The following ZP3 variants were observed in gnomAD, a reference collection of about 807,000 sequenced individuals.
ZP3 encodes the protein zona pellucida glycoprotein 3, also known as zona pellucida sperm-binding protein 3.
A neutral mutation model predicts 35.6 loss-of-function variants in ZP3; 21 were observed. That is an observed-to-expected ratio of 0.59 (90% CI 0.42 to 0.85). ZP3 has a LOEUF of 0.85. Ranked by LOEUF, ZP3 falls within the 40% of genes least tolerant of loss-of-function variation. The pLI is 0.00. For synonymous variants in ZP3, 207 were observed against 214.5 expected, an observed-to-expected ratio of 0.96 and a Z score of 0.31; for missense variants, 437 against 536.5, an observed-to-expected ratio of 0.81 and a Z score of 1.83.
At chr7:76,410,591 T>A (rs1805216184) in intron 1 of ZP3, among the ~76,000 whole-genome samples, 1 of 151,802 alleles carries the variant, frequency 6.6e-6, no homozygotes, top group African/African-American at 2.4e-5. Flanking sequence ...ATGGTGAGGC[T>A]GGGAAGACTG....
rs756484764 is a variant in ZP3 at position 76,440,221 on chromosome 7, G to A, written c.832-29G>A. On this transcript the variant is annotated intron_variant, in intron 5 of 7. Transcript: ENST00000394857. ...AACTCCCAGGCACAGCCTGGAACTCGGCCTGGAAATAGCTGTTATTCCTTG... is the reference window on the plus strand; with the variant it reads ...AACTCCCAGGCACAGCCTGGAACTCAGCCTGGAAATAGCTGTTATTCCTTG... The A allele has an allele frequency of 7.3e-5, 117 of 1,595,854 alleles. 1 individual carries two copies. Among genetic ancestry groups the A allele is most frequent in the Non-Finnish European group, 9.0e-5 (105 of 1,170,110 alleles).
Position 76,433,048 on chromosome 7 carries a change from G to T in ZP3, c.535+18G>T. ...GATGGAGGGTAAGAGAAGAAGGCTG[G>T]GTGGGACATCTGTGGAAAGACCTGG... On this transcript the variant is annotated intron_variant, in intron 3 of 7. Transcript: ENST00000394857. The T allele has an allele frequency of 1.3e-6, 2 of 1,593,174 alleles. No individual in the cohort carries two copies. Among genetic ancestry groups the T allele is most frequent in the Non-Finnish European group, 1.7e-6 (2 of 1,166,840 alleles).
At chr7:76,401,993 C>T (rs1044739192) in intron 1 of ZP3, among the ~76,000 whole-genome samples, 1 of 151,994 alleles carries the variant, frequency 6.6e-6, no homozygotes, top group Non-Finnish European at 1.5e-5. Context: ...AAAGATTTAC[C>T]TAGATGAGTC....
At chr7:76,436,030 C>CCTT (rs1805991993) in intron 5 of ZP3, among the ~76,000 whole-genome samples, 1 of 74,248 alleles carries the variant, frequency 1.3e-5, no homozygotes. Context: ...CCCCCGCCCC[C>CCTT]TTTTTTTTTT....
intron 2 of ZP3, among the ~76,000 whole-genome samples, chr7:76,430,830 G>T (rs1240543095): frequency 7.9e-5 from 12 of 152,202 alleles, no homozygotes; most frequent in Admixed American, 7.9e-4. Context: ...CATGGTAGGG[G>T]TTATCCTAGA....
chr7:76,409,906 C>G (rs997086629), intron 1 of ZP3, among the ~76,000 whole-genome samples: 2 of 152,192 alleles, frequency 1.3e-5, no homozygotes, highest in Non-Finnish European at 2.9e-5. Context: ...GATGATGTCC[C>G]GACCCACATC....
At chr7:76,409,371 GCACACA>G in intron 1 of ZP3, 1 of 144,694 alleles carries the variant, frequency 6.9e-6, no homozygotes, top group Admixed American at 6.9e-5. Context: ...GCATGCACAC[GCACACA>G]CACACAAACA....
Position 76,408,729 on chromosome 7 carries a change from G to A in ZP3, c.-67+10932G>A, listed in dbSNP as rs150522023. Among the ~76,000 whole-genome samples the A allele has an allele frequency of 1.8e-3, 277 of 152,262 alleles. 1 individual carries two copies. Among genetic ancestry groups the A allele is most frequent in the African/African-American group, 6.4e-3 (267 of 41,568 alleles). On this transcript the variant is annotated intron_variant, in intron 1 of 8. Transcript: ENST00000336517. The stretch of plus-strand genomic sequence containing the variant: ...GCTCCAAGGTGGGCCCCTCCAGTCT[G>A]CTCCTGCTTCACGCCCAAGGGAACA...
rs748447556 is a variant in ZP3 at position 76,432,911 on chromosome 7, G to A, written c.432-16G>A. 26 of 1,612,258 alleles carry A rather than the reference G, an allele frequency of 1.6e-5. No homozygotes were observed. The highest frequency in any genetic ancestry group is 2.2e-5 in the South Asian group (2 of 90,902). ...TGACCTGAGGCAGGTGTGCACAGCT[G>A]CTGTTCTTCTCTCAGGCAGGGCAAT... On this transcript the variant is annotated splice_polypyrimidine_tract_variant and intron_variant, in intron 2 of 7. Transcript: ENST00000394857.
Position 76,425,144 on chromosome 7 carries a change from T to C in ZP3, c.180T>C (p.Phe60=). The part of the protein sequence containing the change: ...TLMVMVSKDL[F]GTGKLIRAAD... ...TGGTCATGGTCAGCAAAGACCTTTT[T>C]GGCACCGGGAAGCTCATCAGGGCTG... Residue 60 remains phenylalanine (F), a synonymous_variant, in exon 1 of 8, where the codon TTT becomes TTC. Coordinates refer to ENST00000394857, the MANE Select transcript of ZP3 (RefSeq NM_001110354.2). The C allele has an allele frequency of 2.5e-6, 4 of 1,613,992 alleles. No homozygotes were observed. Among genetic ancestry groups the C allele is most frequent in the Non-Finnish European group, 3.4e-6 (4 of 1,180,004 alleles).
In ZP3 at chr7:76,398,556, C is replaced by T. The variant is rs1027936405; in HGVS notation, c.-67+759C>T. Among the ~76,000 whole-genome samples the T allele has an allele frequency of 4.6e-5, 7 of 151,526 alleles. 1 individual carries two copies. The highest frequency in any genetic ancestry group is 5.9e-5 in the Non-Finnish European group (4 of 67,698). On this transcript the variant is annotated intron_variant, in intron 1 of 8. Transcript: ENST00000336517. ...CCAACCTCAAGTGATCCGCTGGCCTCGGCCTCCCAAAGTGCTGGGATTACA... is the reference window on the plus strand; with the variant it reads ...CCAACCTCAAGTGATCCGCTGGCCTTGGCCTCCCAAAGTGCTGGGATTACA...
At chr7:76,404,226 C>T in intron 1 of ZP3, 1 of 1,449,976 alleles carries the variant, frequency 6.9e-7, no homozygotes, top group Non-Finnish European at 9.1e-7. Context: ...ATTCACAACC[C>T]TCCTCCTACT....
intron 1 of ZP3, among the ~76,000 whole-genome samples, chr7:76,408,786 C>T (rs1009032716): frequency 6.6e-6 from 1 of 152,180 alleles, no homozygotes; most frequent in Non-Finnish European, 1.5e-5. Context: ...CCTCCCTGTC[C>T]TTGGTGATTA....
upstream of ZP3, among the ~76,000 whole-genome samples, chr7:76,423,586 A>G (rs1291424730): frequency 1.3e-5 from 2 of 152,024 alleles, no homozygotes; most frequent in African/African-American, 2.4e-5. Flanking sequence ...TGTCAGTGAA[A>G]TCGTGGTATG....
At chr7:76,417,598 T>A (rs576224194) in intron 1 of ZP3, among the ~76,000 whole-genome samples, 1 of 151,636 alleles carries the variant, frequency 6.6e-6, no homozygotes, top group African/African-American at 2.4e-5. Context: ...AGAAAAGTAC[T>A]ATTTATTCTT....
intron 5 of ZP3, among the ~76,000 whole-genome samples, chr7:76,435,760 A>T (rs549895734): frequency 1.0e-3 from 138 of 134,884 alleles, no homozygotes; most frequent in Non-Finnish European, 1.8e-3. Flanking sequence ...AGACAGTCTC[A>T]CTCTGTCACC....
chr7:76,416,362 G>A (rs1053462995), intron 1 of ZP3, among the ~76,000 whole-genome samples: 1 of 152,130 alleles, frequency 6.6e-6, no homozygotes, highest in Non-Finnish European at 1.5e-5. Context: ...CCTGGAAGTC[G>A]AGGCTGCAGT....
chr7:76,427,493 G>C (rs1373510557), intron 1 of ZP3, among the ~76,000 whole-genome samples: 1 of 136,416 alleles, frequency 7.3e-6, no homozygotes, highest in Non-Finnish European at 1.5e-5. Context: ...TCCAGCCTGG[G>C]CAACAGAGTG....
At chr7:76,403,347 C>CTTTTTTTT (rs766899317) in intron 1 of ZP3, among the ~76,000 whole-genome samples, 8 of 149,528 alleles carry the variant, frequency 5.4e-5, no homozygotes, top group East Asian at 2.0e-4. Context: ...GACTCCACTT[C>CTTTTTTTT]TTTTTTTTGA....
Sources: allele counts gnomAD v4.1 joint callset (sites outside exome capture counted in the v4.1 genomes callset), GRCh38; gene constraint gnomAD v4.1.1; transcripts MANE v1.5; gene names NCBI Gene and HGNC (gene_info 2026-07-23, HGNC 2026-07-21).